HMCN1: variants seen among roughly 807,000 people sequenced by gnomAD.
HMCN1 encodes hemicentin-1.
HMCN1 carries 321 observed loss-of-function variants against 625.9 expected under a neutral mutation model. The ratio of observed to expected loss-of-function variants is 0.51; its 90% CI spans 0.47 to 0.56. The LOEUF (loss-of-function observed/expected upper bound fraction) is 0.56. Among genes scored for constraint, HMCN1 ranks in the 20% least tolerant of loss-of-function variants. The pLI is 0.00. For synonymous variants in HMCN1, 2,425 were observed against 2,417.6 expected (o/e 1.00, Z -0.09); for missense variants, 6,588 against 6,887.3 (o/e 0.96, Z 1.54).
chr1:185,925,211 A>G lies in HMCN1; in HGVS notation c.1430+20A>G, dbSNP rs543182963. On this transcript the variant is annotated intron_variant, in intron 9 of 106. Coordinates refer to ENST00000271588, the MANE Select transcript of HMCN1 (RefSeq NM_031935.3). ...TTTGAAGTAGGTACATGTTTCTGTCAGTAATAAGATTCAGCATTTAACATG... is the reference window on the plus strand; with the variant it reads ...TTTGAAGTAGGTACATGTTTCTGTCGGTAATAAGATTCAGCATTTAACATG... The G allele has an allele frequency of 1.2e-4, 191 of 1,602,980 alleles. 3 individuals carry two copies. In the South Asian group the frequency reaches 2.0e-3, roughly 17 times the overall value.
At chr1:186,082,382 C>A (rs1203573991) in intron 56 of HMCN1, among the ~76,000 whole-genome samples, 1 of 152,116 alleles carries the variant, frequency 6.6e-6, no homozygotes, top group Admixed American at 6.6e-5. Flanking sequence ...TGTGATGATT[C>A]CTCCCCAAGT....
chr1:186,088,339 AC>A, intron 62 of HMCN1, 63 bp downstream of exon 62: 2 of 1,608,088 alleles, frequency 1.2e-6, no homozygotes, highest in South Asian at 2.2e-5. Flanking sequence ...AATTCACTAG[AC>A]TTTTAAACTA....
chr1:185,798,872 A>T lies in HMCN1; in HGVS notation c.269-47154A>T, dbSNP rs552612440. ...ATCAACATTTTGAATTCTTTATCTG[A>T]TATTACAAGAATTTTATTTTGATTA... is the stretch of plus-strand genomic sequence containing the variant. On this transcript the variant is annotated intron_variant, in intron 1 of 106. Coordinates refer to ENST00000271588, the MANE Select transcript of HMCN1 (RefSeq NM_031935.3). Among the ~76,000 whole-genome samples the T allele has an allele frequency of 2.6e-5, 4 of 151,996 alleles. No homozygotes were observed. The East Asian group carries it at 5.8e-4, about 22-fold the overall frequency.
intron 2 of HMCN1, among the ~76,000 whole-genome samples, chr1:185,862,025 A>G (rs1368640014): frequency 2.0e-5 from 3 of 152,150 alleles, no homozygotes; most frequent in African/African-American, 7.2e-5. Flanking sequence ...CAGTAGAAAG[A>G]CTACTTGAAT....
At chr1:186,145,959 G>T (rs1047050947) in intron 93 of HMCN1, 36 bp downstream of exon 93, 4 of 1,604,892 alleles carry the variant, frequency 2.5e-6, no homozygotes, top group Non-Finnish European at 2.6e-6. Flanking sequence ...AGCACATTTA[G>T]AGCCTTTGTG....
chr1:186,059,103 C>A (rs1433833031), intron 46 of HMCN1, among the ~76,000 whole-genome samples: 1 of 151,902 alleles, frequency 6.6e-6, no homozygotes, highest in Non-Finnish European at 1.5e-5. Context: ...CATCCAATAC[C>A]TATTTCTTGT....
At chr1:186,020,273 G>GATAGATAGATGATAT (rs1558149828) in intron 35 of HMCN1, among the ~76,000 whole-genome samples, 138 of 117,014 alleles carry the variant, frequency 1.2e-3, no homozygotes, top group African/African-American at 4.7e-3. Context: ...ATAGATGATA[G>GATAGATAGATGATAT]ATTTCAAATC....
intron 8 of HMCN1, among the ~76,000 whole-genome samples, chr1:185,924,467 G>A (rs955513168): frequency 2.0e-5 from 3 of 151,866 alleles, no homozygotes; most frequent in Non-Finnish European, 2.9e-5. Flanking sequence ...GTGGAGGGAC[G>A]AAAATTTATC....
At position 186,040,966 on chromosome 1, in the gene HMCN1, C is replaced by T. The variant is rs185290212; in HGVS notation, c.6181-47C>T. On this transcript the variant is annotated intron_variant, in intron 39 of 106. Coordinates refer to ENST00000271588, the MANE Select transcript of HMCN1 (RefSeq NM_031935.3). ...TAAGAGAAAAAATCTATTACACCTACCATTCTCAGAGACATATTGGTTATT... is the reference window on the plus strand; with the variant it reads ...TAAGAGAAAAAATCTATTACACCTATCATTCTCAGAGACATATTGGTTATT... 15 of 1,602,192 alleles carry T rather than the reference C, an allele frequency of 9.4e-6. No homozygotes were observed. In the Middle Eastern group the frequency reaches 5.1e-4, roughly 55 times the overall value.
At chr1:185,735,424 C>T (rs1452834213) in intron 1 of HMCN1, among the ~76,000 whole-genome samples, 1 of 152,202 alleles carries the variant, frequency 6.6e-6, no homozygotes, top group Non-Finnish European at 1.5e-5. Flanking sequence ...CAGCGAAGCT[C>T]TAGGGGCTAA....
intron 43 of HMCN1, among the ~76,000 whole-genome samples, chr1:186,053,611 C>T (rs951752130): frequency 6.6e-6 from 1 of 152,032 alleles, no homozygotes; most frequent in African/African-American, 2.4e-5. Flanking sequence ...TTATCAACAA[C>T]TCCTTAAGCC....
chr1:185,753,199 T>G (rs905715197), intron 1 of HMCN1, among the ~76,000 whole-genome samples: 2 of 152,102 alleles, frequency 1.3e-5, no homozygotes, highest in Non-Finnish European at 2.9e-5. Flanking sequence ...AAATAATTCC[T>G]CAAAAACTCA....
intron 96 of HMCN1, 130 bp downstream of exon 96, chr1:186,153,001 C>T (rs923178889): frequency 3.3e-6 from 4 of 1,220,346 alleles, no homozygotes; most frequent in Non-Finnish European, 4.8e-6. Context: ...CTATAAATAA[C>T]TATCTGATCT....
At chr1:185,773,582 G>T (rs1656395704) in intron 1 of HMCN1, among the ~76,000 whole-genome samples, 1 of 152,072 alleles carries the variant, frequency 6.6e-6, no homozygotes, top group African/African-American at 2.4e-5. Context: ...AGGGTTCAGG[G>T]CTTTGATGTA....
intron 48 of HMCN1, among the ~76,000 whole-genome samples, chr1:186,063,748 C>A (rs1020698988): frequency 6.6e-6 from 1 of 151,768 alleles, no homozygotes; most frequent in Non-Finnish European, 1.5e-5. Flanking sequence ...AATATTGTTA[C>A]CTTTTGTTAG....
intron 39 of HMCN1, among the ~76,000 whole-genome samples, chr1:186,040,698 C>T (rs937048897): frequency 7.2e-5 from 11 of 152,254 alleles, no homozygotes; most frequent in East Asian, 1.9e-4. Flanking sequence ...CATTTATTCT[C>T]ACTCATGTTT....
chr1:185,922,456 G>A lies in HMCN1; in HGVS notation c.978G>A (p.Lys326=), dbSNP rs1412086357. The change falls in exon 7 of 107, where the codon AAG becomes AAA. Residue 326 remains lysine (K), a synonymous_variant. Coordinates refer to ENST00000271588, the MANE Select transcript of HMCN1 (RefSeq NM_031935.3). ...TIDFRAGFSR[K]PTLDFKKTVS... ...ATTTCCGAGCTGGCTTTTCTCGAAA[G>A]CCCACCCTGGACTTCAAAAAAACAG... The A allele has an allele frequency of 1.9e-6, 3 of 1,613,642 alleles. No individual in the cohort carries two copies. Among genetic ancestry groups the A allele is most frequent in the Non-Finnish European group, 2.5e-6 (3 of 1,179,828 alleles).
At chr1:186,020,380 G>A (rs1433581992) in intron 35 of HMCN1, among the ~76,000 whole-genome samples, 2 of 152,012 alleles carry the variant, frequency 1.3e-5, no homozygotes, top group Non-Finnish European at 2.9e-5. Context: ...TTACTTGTGA[G>A]TTCCCTAATG....
intron 68 of HMCN1, among the ~76,000 whole-genome samples, chr1:186,099,298 A>G (rs988832763): frequency 4.6e-5 from 7 of 152,090 alleles, no homozygotes; most frequent in African/African-American, 9.7e-5. Flanking sequence ...TTATGTGTCA[A>G]TGAGAGAAAA....
Sources: gnomAD v4.1 joint callset for allele counts (sites outside exome capture counted in the v4.1 genomes callset) on GRCh38, gnomAD v4.1.1 for gene constraint, MANE v1.5 for transcripts, NCBI Gene and HGNC (gene_info 2026-07-23, HGNC 2026-07-21) for gene names.